The following TBX2 variants were observed in gnomAD, a reference collection of about 807,000 sequenced individuals.
TBX2 encodes the protein T-box transcription factor 2.
In TBX2, 19 loss-of-function variants were observed where a neutral mutation model predicts 48.4. That is an observed-to-expected ratio of 0.39 (90% confidence interval 0.27 to 0.58). The LOEUF (loss-of-function observed/expected upper bound fraction) is 0.58. TBX2 is among the 20% of genes least tolerant of loss of function. TBX2 has a pLI of 0.54. For synonymous variants in TBX2, 522 were observed against 459.7 expected (o/e 1.14, Z -1.73); for missense variants, 994 against 1,006.5 (o/e 0.99, Z 0.17).
chr17:61,400,699 C>T lies in TBX2; in HGVS notation c.395+128C>T, dbSNP rs917313912. On this transcript the variant is annotated intron_variant, in intron 1 of 6. Transcript: ENST00000240328. This position sits in a 1 kb window ranked among gnomAD's most constrained non-coding sequence, Gnocchi z 9.2. ...CCGGCTCCAGGTTCTGGCCCTGACG[C>T]CACGCTTCGCTCCCACGGACAACCA... 17 of 941,086 alleles carry T rather than the reference C, an allele frequency of 1.8e-5. No individual in the cohort carries two copies. Among genetic ancestry groups the T allele is most frequent in the Non-Finnish European group, 2.6e-5 (17 of 655,932 alleles). 58.3% of individuals were successfully genotyped at this position (941,086 alleles called of 1,614,324 possible). A position where few individuals can be genotyped will look rare whatever the true frequency, so the allele number is the denominator to read the frequency against.
rs1371504466 is a variant in TBX2 at position 61,403,859 on chromosome 17, GT to G, written c.811-561del. On this transcript the variant is annotated intron_variant, in intron 3 of 6. Coordinates refer to ENST00000240328, the MANE Select transcript of TBX2 (RefSeq NM_005994.4). This position sits in a 1 kb window ranked among gnomAD's most constrained non-coding sequence, Gnocchi z 5.8. Reference sequence around the variant, plus strand: ...CTGTCGAGTGAAAGAGAGGGTACGAGTGTCCGTGCCGGTCGTTGTGGCTTTG... The same window carrying G: ...CTGTCGAGTGAAAGAGAGGGTACGAGGTCCGTGCCGGTCGTTGTGGCTTTG... Among the ~76,000 whole-genome samples the G allele has an allele frequency of 6.6e-6, 1 of 152,226 alleles. No individual in the cohort carries two copies. Among genetic ancestry groups the G allele is most frequent in the Non-Finnish European group, 1.5e-5 (1 of 68,046 alleles).
At chr17:61,408,022 G>A (rs775588635) in intron 6 of TBX2, 32 bp from the exon 7 acceptor site, 4 of 1,537,166 alleles carry the variant, frequency 2.6e-6, no homozygotes, top group Admixed American at 3.9e-5. Flanking sequence ...CAGGCAAGAT[G>A]TCTAACCCTC....
In TBX2 at chr17:61,402,927, C is replaced by CGAGAGAGA. The variant is rs1569015300; in HGVS notation, c.664-132_664-131insGAGAGAGA. ...GGAGAAAATGGGGAAGAGGAAGAAC[C>CGAGAGAGA]GATAGAGAGAGAGAGAGAGAGAGAG... On this transcript the variant is annotated intron_variant, in intron 2 of 6. Transcript: ENST00000240328. 30 of 323,726 alleles carry CGAGAGAGA rather than the reference C, an allele frequency of 9.3e-5. 1 individual carries two copies. The African/African-American group carries it at 2.0e-3, about 22-fold the overall frequency. The allele number at this position is 323,726 out of a possible 1,614,324, so 20.1% of individuals were successfully genotyped here. A position where few individuals can be genotyped will look rare whatever the true frequency, so the allele number is the denominator to read the frequency against.
At chr17:61,402,972 A>AGAC in intron 2 of TBX2, 89 bp from the exon 3 acceptor site, 4 of 734,884 alleles carry the variant, frequency 5.4e-6, no homozygotes, top group Non-Finnish European at 7.0e-6. Context: ...GAGAGAGAGA[A>AGAC]AGTGGAGAGG....
chr17:61,407,855 G>A (rs1197292833), intron 6 of TBX2, 199 bp from the exon 7 acceptor site: 5 of 615,642 alleles, frequency 8.1e-6, no homozygotes, highest in East Asian at 2.9e-5. Context: ...AGCCTGAAGC[G>A]ATCTCACCCT....
Position 61,404,699 on chromosome 17 carries a change from T to TC in TBX2, c.987dup (p.Ala330ArgfsTer23), listed in dbSNP as rs1177821938. ...AGTCAGACGCCTCGTCGTGCGACCCTCCCCCCGCGCGGGAACCACCCACCT... is the reference window on the plus strand; with the variant it reads ...AGTCAGACGCCTCGTCGTGCGACCCTCCCCCCCGCGCGGGAACCACCCACCT... On this transcript the variant is annotated frameshift_variant, in exon 5 of 7. Coordinates refer to ENST00000240328, the MANE Select transcript of TBX2 (RefSeq NM_005994.4). LOFTEE classifies it high-confidence loss of function. 2 of 1,566,834 alleles carry TC rather than the reference T, an allele frequency of 1.3e-6. No homozygotes were observed. Among genetic ancestry groups the TC allele is most frequent in the Non-Finnish European group, 8.6e-7 (1 of 1,156,982 alleles).
At chr17:61,401,573 G>A in intron 1 of TBX2, 111 bp from the exon 2 acceptor site, 2 of 1,419,504 alleles carry the variant, frequency 1.4e-6, no homozygotes, top group South Asian at 2.9e-5. Flanking sequence ...AGGGGAAACA[G>A]CCAGGCGGCA....
rs759307454 is a variant in TBX2, at chr17:61,408,348, G to A, written c.1981G>A (p.Glu661Lys). 4.4e-6 allele frequency: 7 copies of A among 1,596,024 alleles called. No individual in the cohort carries two copies. Among genetic ancestry groups the A allele is most frequent in the East Asian group, 4.6e-5 (2 of 43,380 alleles). The change falls in exon 7 of 7, where the codon GAG (glutamate) becomes AAG (lysine). Residue 661 changes from glutamate to lysine, a missense_variant. By Grantham distance (56) the Glu-to-Lys change is moderately conservative. Around this residue, in one of 5 missense-constraint regions of TBX2, gnomAD observed 639 missense variants for 613.2 expected, o/e 1.04. Coordinates refer to ENST00000240328, the MANE Select transcript of TBX2 (RefSeq NM_005994.4). ...GNSREPSPLPELALRKVGAPS... is the reference protein window; with the variant it reads ...GNSREPSPLPKLALRKVGAPS... ...CAGCCGGGAGCCTAGCCCCCTGCCC[G>A]AGCTGGCTCTCCGCAAAGTAGGGGC... is the stretch of plus-strand genomic sequence containing the variant.
Position 61,408,321 on chromosome 17 carries a change from A to G in TBX2, c.1954A>G (p.Asn652Asp), listed in dbSNP as rs1279090119. ...ASEGSKAAGG[N>D]SREPSPLPEL... ...TGAGGGCTCCAAGGCCGCTGGTGGA[A>G]ACAGCCGGGAGCCTAGCCCCCTGCC... Residue 652 changes from asparagine to aspartate, a missense_variant, in exon 7 of 7, where the codon AAC becomes GAC. Physicochemically the swap from Asn to Asp is conservative, Grantham distance 23. Around this residue, in one of 5 missense-constraint regions of TBX2, gnomAD observed 639 missense variants for 613.2 expected, o/e 1.04. Transcript: ENST00000240328. 1 of 1,610,218 alleles carries G rather than the reference A, an allele frequency of 6.2e-7. No homozygotes were observed. The highest frequency in any genetic ancestry group is 1.7e-5 in the Admixed American group (1 of 59,816).
chr17:61,403,276 C>G lies in TBX2; in HGVS notation c.810+69C>G, dbSNP rs2143729688. The stretch of plus-strand genomic sequence containing the variant: ...CTCAACACGTGCAGGCCCAACCGTC[C>G]GTTCATCGCCCCTCGAAGCCCCCTG... On this transcript the variant is annotated intron_variant, in intron 3 of 6. Transcript: ENST00000240328. The surrounding 1 kb of genome is among the most constrained non-coding windows in gnomAD (Gnocchi z 5.8). 2 of 1,571,826 alleles carry G rather than the reference C, an allele frequency of 1.3e-6. No individual in the cohort carries two copies. The highest frequency in any genetic ancestry group is 1.1e-5 in the South Asian group (1 of 87,060).
chr17:61,402,377 C>T (rs1323198627), intron 2 of TBX2, among the ~76,000 whole-genome samples: 1 of 152,186 alleles, frequency 6.6e-6, no homozygotes, highest in Non-Finnish European at 1.5e-5. Context: ...TGGCCCTCCC[C>T]CAAGACTAGG....
intron 4 of TBX2, 29 bp downstream of exon 4, chr17:61,404,526 G>A: frequency 1.3e-6 from 2 of 1,590,022 alleles, no homozygotes; most frequent in Non-Finnish European, 1.7e-6. Flanking sequence ...CAGCCCTGTG[G>A]CGGGTGCCCG....
Position 61,405,567 on chromosome 17 carries a change from C to T in TBX2, c.1417C>T (p.His473Tyr). The T allele has an allele frequency of 6.2e-7, 1 of 1,600,518 alleles. No homozygotes were observed. The highest frequency in any genetic ancestry group is 8.5e-7 in the Non-Finnish European group (1 of 1,176,992). Residue 473 changes from histidine (H) to tyrosine (Y), a missense_variant, in exon 6 of 7, where the codon CAC becomes TAC. Coordinates refer to ENST00000240328, the MANE Select transcript of TBX2 (RefSeq NM_005994.4). Reference sequence around the variant, plus strand: ...CCTGCCCGGCCTGGCCTTTTCCAGCCACTTGCACGGGCAGCAGTTCTTTGG... The same window carrying T: ...CCTGCCCGGCCTGGCCTTTTCCAGCTACTTGCACGGGCAGCAGTTCTTTGG... ...GHLPGLAFSS[H>Y]LHGQQFFGPL...
chr17:61,407,973 G>A (rs778464517), intron 6 of TBX2, 81 bp from the exon 7 acceptor site: 185 of 1,477,276 alleles, frequency 1.3e-4, no homozygotes, highest in Middle Eastern at 3.6e-4. Context: ...AGGGCACGGT[G>A]TCCAGGGGAT....
Position 61,405,439 on chromosome 17 carries a change from G to T in TBX2, c.1289G>T (p.Arg430Leu). ...CTGGAGAAGGAGCGCGCCGAAGCTC[G>T]GAGGAAGGACGAGGGGCGCAAGGAG... ...RSLEKERAEARRKDEGRKEAA... is the reference protein window; with the variant it reads ...RSLEKERAEALRKDEGRKEAA... The change falls in exon 6 of 7, where the codon CGG (arginine) becomes CTG (leucine). Residue 430 changes from arginine to leucine, a missense_variant. By Grantham distance (102) the Arg-to-Leu change is moderately radical (BLOSUM62 -2). This residue lies in a region of TBX2 where 639 missense variants were observed against 613.2 expected (regional missense o/e 1.04). Coordinates refer to ENST00000240328, the MANE Select transcript of TBX2 (RefSeq NM_005994.4). 1 of 1,564,468 alleles carries T rather than the reference G, an allele frequency of 6.4e-7. No individual in the cohort carries two copies.
In TBX2 at chr17:61,401,745, C is replaced by T. The variant is rs1474628626; in HGVS notation, c.457C>T (p.Leu153=). 6.2e-7 allele frequency: 1 copy of T among 1,613,104 alleles called. No homozygotes were observed. The highest frequency in any genetic ancestry group is 1.7e-5 in the Admixed American group (1 of 60,026). Residue 153 remains leucine (L), a synonymous_variant, in exon 2 of 7, where the codon CTG becomes TTG. Coordinates refer to ENST00000240328, the MANE Select transcript of TBX2 (RefSeq NM_005994.4). The part of the protein sequence containing the change: ...SGLDKKAKYI[L]LMDIVAADDC... The stretch of plus-strand genomic sequence containing the variant: ...CCTGGACAAGAAGGCCAAGTATATC[C>T]TGCTGATGGACATTGTAGCCGCTGA...
At chr17:61,407,885 A>G in intron 6 of TBX2, 169 bp from the exon 7 acceptor site, 1 of 831,858 alleles carries the variant, frequency 1.2e-6, no homozygotes. Flanking sequence ...GTTTGGCCAC[A>G]GGCACACTGG....
rs749591534 is a variant in TBX2 at position 61,405,854 on chromosome 17, G to A, written c.1686+18G>A. ...CATCTCAGGTAAGGCCTGTGACCCC[G>A]CGGCAGCGCCAGCGAGGGAGAAGGC... On this transcript the variant is annotated intron_variant, in intron 6 of 6. Transcript: ENST00000240328. 4 of 1,289,442 alleles carry A rather than the reference G, an allele frequency of 3.1e-6. No individual in the cohort carries two copies. The highest frequency in any genetic ancestry group is 3.0e-5 in the East Asian group (1 of 33,824). 79.9% of individuals were successfully genotyped at this position (1,289,442 alleles called of 1,614,324 possible). A position where few individuals can be genotyped will look rare whatever the true frequency, so the allele number is the denominator to read the frequency against.
chr17:61,401,629 C>G, intron 1 of TBX2, 55 bp from the exon 2 acceptor site: 2 of 1,563,928 alleles, frequency 1.3e-6, no homozygotes, highest in Non-Finnish European at 1.7e-6. Context: ...GAGTGGGGTC[C>G]TGGAACCTAG....
Sources: gnomAD v4.1 joint callset for allele counts (sites outside exome capture counted in the v4.1 genomes callset) on GRCh38, gnomAD v4.1.1 for gene constraint, gnomAD v4.1.1 regional missense constraint, Gnocchi (gnomAD v3.1) non-coding constraint, MANE v1.5 for transcripts, NCBI Gene and HGNC (gene_info 2026-07-23, HGNC 2026-07-21) for gene names.